Variants in UBE2E2 observed in about 807,000 individuals in gnomAD.
The protein encoded by UBE2E2 is ubiquitin-conjugating enzyme E2 E2.
A neutral mutation model predicts 24.7 loss-of-function variants in UBE2E2; 6 were observed. That is an observed-to-expected ratio of 0.24 (90% CI 0.13 to 0.48). The LOEUF (loss-of-function observed/expected upper bound fraction) is 0.48. Among genes scored for constraint, UBE2E2 ranks in the 20% least tolerant of loss-of-function variants. The pLI is 0.99. For synonymous variants in UBE2E2, 104 were observed against 83.6 expected, an observed-to-expected ratio of 1.24 and a Z score of -1.33; for missense variants, 169 against 245.0, an observed-to-expected ratio of 0.69 and a Z score of 2.07.
At chr3:23,584,053 T>A (rs1056715080) in intron 5 of UBE2E2, among the ~76,000 whole-genome samples, 22 of 152,256 alleles carry the variant, frequency 1.4e-4, no homozygotes, top group Non-Finnish European at 2.6e-4. Context: ...TGGCTGTGGG[T>A]TTTTCATAGA....
intron 3 of UBE2E2, among the ~76,000 whole-genome samples, chr3:23,258,706 A>G (rs1697807287): frequency 6.6e-6 from 1 of 152,046 alleles, no homozygotes; most frequent in Admixed American, 6.5e-5. Flanking sequence ...ATCCTGGCTA[A>G]CATGGTAAAA....
At chr3:23,272,610 A>G (rs1575523183) in intron 3 of UBE2E2, among the ~76,000 whole-genome samples, 1 of 152,178 alleles carries the variant, frequency 6.6e-6, no homozygotes, top group South Asian at 2.1e-4. Flanking sequence ...CAATGGGAGT[A>G]TGGGATGATG....
At chr3:23,352,272 G>C (rs1247539310) in intron 3 of UBE2E2, among the ~76,000 whole-genome samples, 1 of 151,886 alleles carries the variant, frequency 6.6e-6, no homozygotes, top group Non-Finnish European at 1.5e-5. Context: ...ATGCCCACAA[G>C]AGAAAGCAGG....
intron 3 of UBE2E2, among the ~76,000 whole-genome samples, chr3:23,328,519 A>G (rs1694969253): frequency 6.6e-6 from 1 of 152,180 alleles, no homozygotes; most frequent in Admixed American, 6.5e-5. Flanking sequence ...TAAAGCTATG[A>G]TGTTTTAGTA....
chr3:23,282,546 T>A (rs1365903036), intron 3 of UBE2E2, among the ~76,000 whole-genome samples: 1 of 152,188 alleles, frequency 6.6e-6, no homozygotes, highest in Non-Finnish European at 1.5e-5. Context: ...TTTATCTGAG[T>A]TGAAAATAAA....
rs984742791 is a variant in UBE2E2, at chr3:23,336,862, G to A, written c.227+119550G>A. Among the ~76,000 whole-genome samples, 6 of 152,120 alleles carry A rather than the reference G, an allele frequency of 3.9e-5. No individual in the cohort carries two copies. In the East Asian group the frequency reaches 1.2e-3, roughly 29 times the overall value. On this transcript the variant is annotated intron_variant, in intron 3 of 5. Coordinates refer to ENST00000396703, the MANE Select transcript of UBE2E2 (RefSeq NM_152653.4). ...TGGATAAGAATTTGGCTGATTGGCC[G>A]GGTGCGGTGTTGCATGCCTGTAATC...
intron 3 of UBE2E2, among the ~76,000 whole-genome samples, chr3:23,322,956 C>T (rs574398470): frequency 6.6e-6 from 1 of 151,714 alleles, no homozygotes. Flanking sequence ...TTCTTGTCTC[C>T]TTTCACAACA....
intron 3 of UBE2E2, among the ~76,000 whole-genome samples, chr3:23,332,395 C>T (rs1003820513): frequency 6.6e-6 from 1 of 152,120 alleles, no homozygotes; most frequent in African/African-American, 2.4e-5. Flanking sequence ...CCACCTGCCT[C>T]AACCCCCACA....
At chr3:23,353,959 A>T (rs941078109) in intron 3 of UBE2E2, among the ~76,000 whole-genome samples, 7 of 152,200 alleles carry the variant, frequency 4.6e-5, no homozygotes, top group Admixed American at 4.6e-4. Context: ...ACAAAGCTGG[A>T]GGCATCACGC....
intron 3 of UBE2E2, among the ~76,000 whole-genome samples, chr3:23,468,075 A>G (rs184620625): frequency 1.8e-4 from 27 of 152,350 alleles, no homozygotes; most frequent in Non-Finnish European, 3.4e-4. Flanking sequence ...ACCAAACCAT[A>G]TCAGTAGCCT....
intron 3 of UBE2E2, among the ~76,000 whole-genome samples, chr3:23,235,728 A>G (rs896943034): frequency 3.9e-4 from 59 of 152,114 alleles, no homozygotes; most frequent in African/African-American, 1.3e-3. Flanking sequence ...GGGGACTGTT[A>G]GAACAGAGAA....
At chr3:23,341,707 G>C (rs905102258) in intron 3 of UBE2E2, among the ~76,000 whole-genome samples, 1 of 151,408 alleles carries the variant, frequency 6.6e-6, no homozygotes, top group Admixed American at 6.6e-5. Flanking sequence ...CCTTCTTCTC[G>C]TTCTTTTTTT....
intron 3 of UBE2E2, among the ~76,000 whole-genome samples, chr3:23,268,083 A>T (rs1698104650): frequency 6.6e-6 from 1 of 151,800 alleles, no homozygotes; most frequent in Non-Finnish European, 1.5e-5. Context: ...TCTATGACAA[A>T]CCCACAGGCA....
intron 4 of UBE2E2, among the ~76,000 whole-genome samples, chr3:23,531,593 A>T (rs1695123775): frequency 6.6e-6 from 1 of 152,186 alleles, no homozygotes; most frequent in African/African-American, 2.4e-5. Flanking sequence ...CAAAGGTAGG[A>T]TGCACTAATA....
chr3:23,442,925 A>G (rs2125409508), intron 3 of UBE2E2, among the ~76,000 whole-genome samples: 3 of 152,308 alleles, frequency 2.0e-5, no homozygotes, highest in Non-Finnish European at 4.4e-5. Flanking sequence ...TATATCAAAT[A>G]TCTATATTAA....
intron 3 of UBE2E2, among the ~76,000 whole-genome samples, chr3:23,225,242 ATT>A (rs35016740): frequency 1.6e-4 from 24 of 147,882 alleles, no homozygotes; most frequent in Non-Finnish European, 1.8e-4. Context: ...CATTCTGTGG[ATT>A]TTTTTTTTTT....
At chr3:23,328,352 T>G (rs546211773) in intron 3 of UBE2E2, among the ~76,000 whole-genome samples, 142 of 152,320 alleles carry the variant, frequency 9.3e-4, no homozygotes, top group African/African-American at 3.2e-3. Flanking sequence ...GCAAAAGTGA[T>G]AAACATTCAG....
intron 3 of UBE2E2, among the ~76,000 whole-genome samples, chr3:23,224,316 T>C (rs991496965): frequency 2.6e-5 from 4 of 151,920 alleles, no homozygotes; most frequent in Non-Finnish European, 5.9e-5. Context: ...CTTTCCATTT[T>C]TTTGGTGTCC....
chr3:23,247,539 G>A (rs11712656), intron 3 of UBE2E2, among the ~76,000 whole-genome samples: 11 of 151,994 alleles, frequency 7.2e-5, no homozygotes, highest in Non-Finnish European at 1.3e-4. Context: ...ATTTTCAGTA[G>A]GACGGGGTTT....
Sources: gnomAD v4.1 joint callset for allele counts (sites outside exome capture counted in the v4.1 genomes callset) on GRCh38, gnomAD v4.1.1 for gene constraint, MANE v1.5 for transcripts, NCBI Gene and HGNC (gene_info 2026-07-23, HGNC 2026-07-21) for gene names.